Variants in GPM6A observed in about 807,000 individuals in gnomAD.
The protein encoded by GPM6A is glycoprotein M6A.
GPM6A carries 7 observed loss-of-function variants against 32.1 expected under a neutral mutation model. That is an observed-to-expected ratio of 0.22 (90% CI 0.12 to 0.41). GPM6A has a LOEUF of 0.41. GPM6A is among the 10% of genes least tolerant of loss of function. The pLI is 1.00. For synonymous variants in GPM6A, 130 were observed against 123.4 expected, an observed-to-expected ratio of 1.05 and a Z score of -0.35; for missense variants, 235 against 347.2, an observed-to-expected ratio of 0.68 and a Z score of 2.57.
intron 1 of GPM6A, chr4:175,800,914 A>G (rs1437861873): frequency 5.1e-6 from 1 of 196,848 alleles, no homozygotes. Context: ...GTGTTATTCT[A>G]TCTAAGGAAA....
chr4:175,809,765 T>A (rs763142405), intron 1 of GPM6A, among the ~76,000 whole-genome samples: 10 of 152,202 alleles, frequency 6.6e-5, no homozygotes, highest in Non-Finnish European at 1.3e-4. Flanking sequence ...AAAATATATT[T>A]CTTAAGACGG....
intron 1 of GPM6A, among the ~76,000 whole-genome samples, chr4:175,913,499 T>G (rs1351234375): frequency 6.6e-6 from 1 of 152,204 alleles, no homozygotes; most frequent in Admixed American, 6.5e-5. Context: ...TCCCATTTCA[T>G]TCAGAATGAA....
intron 1 of GPM6A, among the ~76,000 whole-genome samples, chr4:175,971,491 A>T (rs1032728628): frequency 6.6e-6 from 1 of 152,188 alleles, no homozygotes; most frequent in African/African-American, 2.4e-5. Context: ...AACCAAACAC[A>T]TTCAACAGAA....
intron 1 of GPM6A, among the ~76,000 whole-genome samples, chr4:175,779,230 G>A (rs1355265869): frequency 6.6e-6 from 1 of 152,080 alleles, no homozygotes; most frequent in Non-Finnish European, 1.5e-5. Flanking sequence ...CCTGCTTGAT[G>A]CAATCGTTAC....
intron 2 of GPM6A, among the ~76,000 whole-genome samples, chr4:175,692,099 T>C (rs1744330621): frequency 6.6e-6 from 1 of 152,218 alleles, no homozygotes; most frequent in Non-Finnish European, 1.5e-5. Context: ...TCCAGGACTC[T>C]AAGATAATAC....
chr4:175,808,505 G>A (rs773625393), intron 1 of GPM6A: 7 of 152,088 alleles, frequency 4.6e-5, no homozygotes, highest in East Asian at 1.9e-4. Context: ...TGACAAATAG[G>A]TTAGTGCTAT....
chr4:175,831,254 T>C (rs564577796), intron 1 of GPM6A, among the ~76,000 whole-genome samples: 1 of 152,340 alleles, frequency 6.6e-6, no homozygotes, highest in African/African-American at 2.4e-5. Context: ...TTATATACTT[T>C]AGCCTGAAGA....
At chr4:175,989,374 A>G (rs927374299) in intron 1 of GPM6A, among the ~76,000 whole-genome samples, 2 of 152,148 alleles carry the variant, frequency 1.3e-5, no homozygotes, top group African/African-American at 4.8e-5. Context: ...AAGGGGAAAA[A>G]TAGGGGGCAA....
intron 1 of GPM6A, among the ~76,000 whole-genome samples, chr4:175,744,766 A>C (rs1732030901): frequency 6.6e-6 from 1 of 152,162 alleles, no homozygotes; most frequent in Admixed American, 6.6e-5. Flanking sequence ...CCATCAATAC[A>C]AAACACTCTA....
chr4:175,642,682 C>T (rs1741217141), intron 4 of GPM6A, among the ~76,000 whole-genome samples: 1 of 152,002 alleles, frequency 6.6e-6, no homozygotes, highest in African/African-American at 2.4e-5. Context: ...CTGTTGCCTC[C>T]TCTTCTCTCT....
intron 2 of GPM6A, among the ~76,000 whole-genome samples, chr4:175,693,575 T>G (rs1744413633): frequency 6.6e-6 from 1 of 152,030 alleles, no homozygotes; most frequent in Non-Finnish European, 1.5e-5. Flanking sequence ...TATGTATTCT[T>G]TTTTGAAAAG....
At chr4:175,847,923 G>A (rs1736138714) in intron 1 of GPM6A, among the ~76,000 whole-genome samples, 1 of 152,170 alleles carries the variant, frequency 6.6e-6, no homozygotes, top group Non-Finnish European at 1.5e-5. Context: ...ACCAGGTATG[G>A]CACTATCATC....
intron 1 of GPM6A, among the ~76,000 whole-genome samples, chr4:175,922,722 G>A (rs1313174047): frequency 6.6e-6 from 1 of 152,134 alleles, no homozygotes; most frequent in African/African-American, 2.4e-5. Context: ...TCTGGAAAAA[G>A]ATGAGTTTAT....
intron 1 of GPM6A, among the ~76,000 whole-genome samples, chr4:175,973,813 C>T (rs1014090982): frequency 3.9e-5 from 6 of 152,146 alleles, no homozygotes; most frequent in African/African-American, 7.2e-5. Flanking sequence ...TCTGCGCCAC[C>T]GCCGCTTGTC....
intron 1 of GPM6A, among the ~76,000 whole-genome samples, chr4:175,899,124 G>T (rs1737878992): frequency 6.6e-6 from 1 of 151,986 alleles, no homozygotes; most frequent in Non-Finnish European, 1.5e-5. Context: ...CGAATTATTT[G>T]CTTCTTCCTC....
intron 1 of GPM6A, among the ~76,000 whole-genome samples, chr4:175,796,326 GATA>G (rs2111290225): frequency 6.6e-6 from 1 of 152,194 alleles, no homozygotes; most frequent in African/African-American, 2.4e-5. Flanking sequence ...GATCAATGAA[GATA>G]ATAATATAAT....
Position 175,914,621 on chromosome 4 carries a change from C to T in GPM6A, c.-23+87688G>A, listed in dbSNP as rs551161475. Among the ~76,000 whole-genome samples the T allele has an allele frequency of 1.6e-3, 243 of 152,302 alleles. 1 individual carries two copies. Among genetic ancestry groups the T allele is most frequent in the Non-Finnish European group, 2.9e-3 (198 of 68,032 alleles). Reference sequence around the variant, plus strand: ...TACAGGCGTGAGCCACCGCGTCCGCCTGCAAATCTGCATTTTACATAAGAT... The same window carrying T: ...TACAGGCGTGAGCCACCGCGTCCGCTTGCAAATCTGCATTTTACATAAGAT... On this transcript the variant is annotated intron_variant, in intron 1 of 7. Transcript: ENST00000280187.
chr4:175,762,745 G>A (rs1458254015), intron 1 of GPM6A, among the ~76,000 whole-genome samples: 1 of 152,122 alleles, frequency 6.6e-6, no homozygotes, highest in Non-Finnish European at 1.5e-5. Flanking sequence ...CATGTCTCAA[G>A]GGCCAGTGCA....
At chr4:175,783,046 T>C (rs1733672476) in intron 1 of GPM6A, among the ~76,000 whole-genome samples, 1 of 151,976 alleles carries the variant, frequency 6.6e-6, no homozygotes, top group Admixed American at 6.6e-5. Flanking sequence ...AATGTTCTAG[T>C]TTAATGACAG....
Sources: gnomAD v4.1 joint callset for allele counts (sites outside exome capture counted in the v4.1 genomes callset) on GRCh38, gnomAD v4.1.1 for gene constraint, MANE v1.5 for transcripts, NCBI Gene and HGNC (gene_info 2026-07-23, HGNC 2026-07-21) for gene names.